UVSSA: variants seen among roughly 807,000 people sequenced by gnomAD.
UVSSA encodes UV-stimulated scaffold protein A.
UVSSA carries 72 observed loss-of-function variants against 73.9 expected under a neutral mutation model. The observed-to-expected ratio is 0.97, with a 90% CI of 0.81 to 1.19. The LOEUF (loss-of-function observed/expected upper bound fraction) is 1.19. Ranked by LOEUF, UVSSA falls within the 50% of genes most tolerant of loss-of-function variation. UVSSA has a pLI of 0.00. For synonymous variants in UVSSA, 454 were observed against 391.3 expected, an observed-to-expected ratio of 1.16 and a Z score of -1.89; for missense variants, 1,150 against 965.0, an observed-to-expected ratio of 1.19 and a Z score of -2.54.
downstream of UVSSA, chr4:1,389,331 G>A (rs369148178): frequency 4.5e-4 from 68 of 152,242 alleles, no homozygotes; most frequent in African/African-American, 1.5e-3. Flanking sequence ...CAGTAGGAAG[G>A]ACCACAGGCA....
chr4:1,374,321 C>G (rs760352763), intron 8 of UVSSA, among the ~76,000 whole-genome samples: 6 of 152,226 alleles, frequency 3.9e-5, no homozygotes, highest in Non-Finnish European at 7.3e-5. Context: ...CCTGCCATCC[C>G]GACGCCTCAG....
chr4:1,371,187 C>G (rs1304892225), intron 8 of UVSSA, among the ~76,000 whole-genome samples: 1 of 152,046 alleles, frequency 6.6e-6, no homozygotes, highest in Admixed American at 6.6e-5. Context: ...CTCAGTAAGC[C>G]TGCACAAAAG....
In UVSSA at chr4:1,379,761, GGCGTCAGAATTCAGACGCAGGCGGTC is replaced by G. The variant is rs1560481438; in HGVS notation, c.1569-284_1569-259del. ...CCGTGGTCGCGCGGCTGGTTCACGT[GGCGTCAGAATTCAGACGCAGGCGGTC>G]GTGCCCGTGGTCGCGCGGCTGGTTC... On this transcript the variant is annotated intron_variant, in intron 10 of 13. Transcript: ENST00000389851. Among the ~76,000 whole-genome samples the G allele has an allele frequency of 3.8e-4, 58 of 151,458 alleles. 1 individual carries two copies. Among genetic ancestry groups the G allele is most frequent in the African/African-American group, 1.4e-3 (57 of 41,300 alleles).
At position 1,370,240 on chromosome 4, in the gene UVSSA, C is replaced by T. The variant is rs1336586320; in HGVS notation, c.1288+3809C>T. On this transcript the variant is annotated intron_variant, in intron 8 of 13. Transcript: ENST00000389851. Reference sequence around the variant, plus strand: ...ATTGTTCACTTGTCAGTCTTGCCTCCGTCACTGTGAGCATGTGCGTGTGTG... The same window carrying T: ...ATTGTTCACTTGTCAGTCTTGCCTCTGTCACTGTGAGCATGTGCGTGTGTG... 4.6e-5 allele frequency among the ~76,000 whole-genome samples: 7 copies of T among 152,194 alleles called. No individual in the cohort carries two copies. In the East Asian group the frequency reaches 7.7e-4, roughly 17 times the overall value.
chr4:1,381,680 A>ATTTGGC (rs1206274978), intron 12 of UVSSA, among the ~76,000 whole-genome samples: 2 of 125,436 alleles, frequency 1.6e-5, no homozygotes, highest in Non-Finnish European at 3.3e-5. Context: ...TTTTACTTTG[A>ATTTGGC]TTTGGCTTTT....
downstream of UVSSA, chr4:1,390,401 TC>T (rs1408898869): frequency 6.6e-6 from 1 of 152,204 alleles, no homozygotes; most frequent in Non-Finnish European, 1.5e-5. Context: ...CACCTCAGCC[TC>T]CTGAGTAGCT....
intron 5 of UVSSA, chr4:1,354,448 G>A (rs563272658): frequency 1.5e-5 from 7 of 455,446 alleles, no homozygotes; most frequent in African/African-American, 9.9e-5. Flanking sequence ...AAGAGGCTGT[G>A]GGTGGTCTCG....
chr4:1,347,780 A>G lies in UVSSA; in HGVS notation c.-3+20A>G, dbSNP rs1207389419. 2.3e-5 allele frequency: 7 copies of G among 301,164 alleles called. No homozygotes were observed. The highest frequency in any genetic ancestry group is 4.1e-5 in the South Asian group (1 of 24,106). 18.7% of individuals were successfully genotyped at this position (301,164 alleles called of 1,614,324 possible). ...ATCTGAGTGAATAAGGGAAACAGCA[A>G]CAGTCACGTTGGGGAAAAGCTGATT... On this transcript the variant is annotated intron_variant, in intron 1 of 13. Transcript: ENST00000389851.
intron 10 of UVSSA, 122 bp downstream of exon 10, chr4:1,376,290 G>A (rs1718762344): frequency 7.2e-7 from 1 of 1,380,160 alleles, no homozygotes; most frequent in Non-Finnish European, 9.5e-7. Flanking sequence ...TCCCAGCTCT[G>A]CCCCACCTTC....
At chr4:1,370,911 T>C (rs1363944362) in intron 8 of UVSSA, among the ~76,000 whole-genome samples, 1 of 152,212 alleles carries the variant, frequency 6.6e-6, no homozygotes, top group South Asian at 2.1e-4. Context: ...CACGGGATGC[T>C]TGTCATGGGC....
intron 2 of UVSSA, 128 bp downstream of exon 2, chr4:1,348,317 G>T (rs1714051603): frequency 2.8e-6 from 2 of 722,486 alleles, no homozygotes; most frequent in Non-Finnish European, 4.7e-6. Flanking sequence ...ATTTTCTCGG[G>T]GCCCTGCAGT....
chr4:1,376,368 T>C (rs1718771424), intron 10 of UVSSA, among the ~76,000 whole-genome samples, 200 bp downstream of exon 10: 1 of 152,078 alleles, frequency 6.6e-6, no homozygotes, highest in African/African-American at 2.4e-5. Flanking sequence ...CAGAAAGGCT[T>C]TTTTGAGCCT....
chr4:1,349,441 G>C lies in UVSSA; in HGVS notation c.99-83G>C, dbSNP rs78736617. The stretch of plus-strand genomic sequence containing the variant: ...CAGTGGTGGTCCCTGCCACACGTGC[G>C]TGCGGCATCCATGCACGGAGAGTCT... On this transcript the variant is annotated intron_variant, in intron 2 of 13. Transcript: ENST00000389851. 4,138 of 1,352,976 alleles carry C rather than the reference G, an allele frequency of 3.1e-3. 116 individuals carry two copies. In the African/African-American group the frequency reaches 0.052, roughly 17 times the overall value. 83.8% of individuals were successfully genotyped at this position (1,352,976 alleles called of 1,614,324 possible).
At chr4:1,362,233 C>T (rs985611339) in intron 7 of UVSSA, among the ~76,000 whole-genome samples, 3 of 152,236 alleles carry the variant, frequency 2.0e-5, no homozygotes, top group African/African-American at 7.2e-5. Context: ...CTGCCCGCCT[C>T]CCCGCGGTGG....
upstream of UVSSA, among the ~76,000 whole-genome samples, chr4:1,346,932 G>A (rs1347986209): frequency 1.3e-5 from 2 of 152,230 alleles, no homozygotes; most frequent in African/African-American, 2.4e-5. Flanking sequence ...CCGGGAGCGC[G>A]CCTACGTCAC....
At chr4:1,354,668 G>C in intron 5 of UVSSA, 67 bp from the exon 6 acceptor site, 1 of 1,446,458 alleles carries the variant, frequency 6.9e-7, no homozygotes, top group South Asian at 1.2e-5. Flanking sequence ...TGCATGGTCT[G>C]CCTCTCCGGG....
At chr4:1,350,811 C>T (rs188066775) in intron 3 of UVSSA, among the ~76,000 whole-genome samples, 2 of 151,716 alleles carry the variant, frequency 1.3e-5, no homozygotes, top group African/African-American at 2.4e-5. Context: ...ACGCATAGGG[C>T]TCTTGGCCAC....
At chr4:1,351,556 T>G (rs1023664841) in intron 3 of UVSSA, among the ~76,000 whole-genome samples, 159 bp from the exon 4 acceptor site, 1 of 145,954 alleles carries the variant, frequency 6.9e-6, no homozygotes, top group South Asian at 2.2e-4. Flanking sequence ...TGGCTAATTT[T>G]TTTTTTGTAT....
chr4:1,359,068 C>T (rs1716231048), intron 7 of UVSSA: 1 of 152,290 alleles, frequency 6.6e-6, no homozygotes, highest in Non-Finnish European at 1.5e-5. Flanking sequence ...ACATTTCCCA[C>T]TTGGTTTCTA....
Sources: allele counts gnomAD v4.1 joint callset (sites outside exome capture counted in the v4.1 genomes callset), GRCh38; gene constraint gnomAD v4.1.1; transcripts MANE v1.5; gene names NCBI Gene and HGNC (gene_info 2026-07-23, HGNC 2026-07-21).